EPS15: variants seen among roughly 807,000 people sequenced by gnomAD.
EPS15 encodes the protein epidermal growth factor receptor substrate 15.
EPS15 carries 72 observed loss-of-function variants against 113.8 expected under a neutral mutation model. The observed-to-expected ratio is 0.63, with a 90% confidence interval of 0.52 to 0.77. EPS15 has a LOEUF of 0.77. Among genes scored for constraint, EPS15 ranks in the 30% least tolerant of loss-of-function variants. The probability of loss-of-function intolerance (pLI) is 0.00; values close to 1 mark genes in which losing one functional copy is unlikely to be tolerated. For synonymous variants in EPS15, 344 were observed against 363.4 expected, an observed-to-expected ratio of 0.95 and a Z score of 0.61; for missense variants, 1,048 against 1,045.8, an observed-to-expected ratio of 1.00 and a Z score of -0.03.
At chr1:51,391,094 G>A (rs1471407471) in intron 21 of EPS15, among the ~76,000 whole-genome samples, 1 of 152,296 alleles carries the variant, frequency 6.6e-6, no homozygotes, top group Non-Finnish European at 1.5e-5. Context: ...ACTGGATTAA[G>A]AAAATGTGGC....
chr1:51,366,412 C>G (rs1243913533), intron 21 of EPS15, among the ~76,000 whole-genome samples: 1 of 152,150 alleles, frequency 6.6e-6, no homozygotes, highest in Non-Finnish European at 1.5e-5. Context: ...CACATTCAGA[C>G]AGTTGAAAAC....
At chr1:51,384,503 T>C (rs925642694) in intron 21 of EPS15, among the ~76,000 whole-genome samples, 2 of 151,988 alleles carry the variant, frequency 1.3e-5, no homozygotes, top group African/African-American at 4.8e-5. Flanking sequence ...AGTCTCACTA[T>C]GTTGCCCAGG....
intron 2 of EPS15, among the ~76,000 whole-genome samples, chr1:51,479,062 G>A (rs188493013): frequency 6.6e-6 from 1 of 152,272 alleles, no homozygotes; most frequent in East Asian, 1.9e-4. Context: ...TTTCCAACTT[G>A]GTTCCGTTCT....
At chr1:51,486,906 G>A (rs1476386845) in intron 1 of EPS15, among the ~76,000 whole-genome samples, 1 of 152,066 alleles carries the variant, frequency 6.6e-6, no homozygotes, top group East Asian at 1.9e-4. Flanking sequence ...CTGACCTCAG[G>A]TGATCCATCT....
intron 1 of EPS15, among the ~76,000 whole-genome samples, chr1:51,513,363 A>C (rs1476179481): frequency 6.6e-6 from 1 of 152,228 alleles, no homozygotes; most frequent in African/African-American, 2.4e-5. Context: ...GAAAACAATA[A>C]GGGAGATCTA....
intron 8 of EPS15, chr1:51,459,081 G>C (rs1654237998): frequency 6.6e-6 from 1 of 152,186 alleles, no homozygotes; most frequent in South Asian, 2.1e-4. Context: ...TTCTCTTTCT[G>C]CATTTTTAAA....
intron 24 of EPS15, among the ~76,000 whole-genome samples, chr1:51,357,771 G>T (rs184829183): frequency 6.4e-5 from 9 of 139,676 alleles, no homozygotes; most frequent in Non-Finnish European, 1.1e-4. Context: ...CAGAGTTTTC[G>T]CTCTTGTTGC....
intron 1 of EPS15, among the ~76,000 whole-genome samples, chr1:51,490,911 T>C (rs890599031): frequency 1.3e-5 from 2 of 152,250 alleles, no homozygotes; most frequent in African/African-American, 4.8e-5. Flanking sequence ...TTTCCTGTTT[T>C]TGCTATTGCT....
intron 12 of EPS15, among the ~76,000 whole-genome samples, chr1:51,431,808 A>T (rs1651760331): frequency 6.6e-6 from 1 of 152,162 alleles, no homozygotes; most frequent in Non-Finnish European, 1.5e-5. Context: ...GCAGGACAAA[A>T]TGAGATTAAA....
In EPS15 at chr1:51,496,419, G is replaced by A. The variant is rs185189167; in HGVS notation, c.34-15105C>T. On this transcript the variant is annotated intron_variant, in intron 1 of 24. Coordinates refer to ENST00000371733, the MANE Select transcript of EPS15 (RefSeq NM_001981.3). ...GTATACCATATTCCCCCAATTCTAAGAAACCTTTAGTTGTAAGTGCCACCT... is the reference window on the plus strand; with the variant it reads ...GTATACCATATTCCCCCAATTCTAAAAAACCTTTAGTTGTAAGTGCCACCT... Among the ~76,000 whole-genome samples, 745 of 152,236 alleles carry A rather than the reference G, an allele frequency of 4.9e-3. 3 individuals are homozygous for A. Among genetic ancestry groups the A allele is most frequent in the Non-Finnish European group, 7.2e-3 (490 of 67,988 alleles).
At chr1:51,489,880 G>A (rs962680008) in intron 1 of EPS15, among the ~76,000 whole-genome samples, 14 of 152,236 alleles carry the variant, frequency 9.2e-5, no homozygotes, top group African/African-American at 2.4e-4. Context: ...CCTCCAGCCC[G>A]GATCCTCAAA....
chr1:51,478,928 T>A (rs531132103), intron 2 of EPS15, among the ~76,000 whole-genome samples: 1 of 152,168 alleles, frequency 6.6e-6, no homozygotes, highest in African/African-American at 2.4e-5. Flanking sequence ...CTGACAATTA[T>A]GTGGTCTTGG....
chr1:51,513,202 A>G (rs1335390956), intron 1 of EPS15, among the ~76,000 whole-genome samples: 2 of 152,190 alleles, frequency 1.3e-5, no homozygotes, highest in East Asian at 1.9e-4. Flanking sequence ...AAATTAATCC[A>G]TATGCTCACA....
chr1:51,482,964 A>G (rs2148525121), intron 1 of EPS15, among the ~76,000 whole-genome samples: 1 of 152,298 alleles, frequency 6.6e-6, no homozygotes, highest in Middle Eastern at 3.4e-3. Context: ...CCACAGTTTC[A>G]CTTTCCACAG....
At chr1:51,426,334 A>G (rs1263529803) in intron 12 of EPS15, among the ~76,000 whole-genome samples, 1 of 149,412 alleles carries the variant, frequency 6.7e-6, no homozygotes, top group East Asian at 2.0e-4. Context: ...CCACCACACA[A>G]TCACAGAGAT....
At chr1:51,449,504 G>C (rs1455558789) in intron 8 of EPS15, among the ~76,000 whole-genome samples, 1 of 149,162 alleles carries the variant, frequency 6.7e-6, no homozygotes, top group East Asian at 1.9e-4. Flanking sequence ...AAAATAATCT[G>C]CACACCAAAC....
At chr1:51,502,927 A>G (rs1331139096) in intron 1 of EPS15, among the ~76,000 whole-genome samples, 1 of 151,156 alleles carries the variant, frequency 6.6e-6, no homozygotes, top group Non-Finnish European at 1.5e-5. Context: ...AATCACTTGA[A>G]TCTGGGAGGT....
chr1:51,507,715 C>T (rs951063111), intron 1 of EPS15, among the ~76,000 whole-genome samples: 18 of 151,196 alleles, frequency 1.2e-4, no homozygotes, highest in East Asian at 9.7e-4. Flanking sequence ...TATATACACA[C>T]ATATATATGT....
chr1:51,423,121 A>T, intron 12 of EPS15: 1 of 1,020,702 alleles, frequency 9.8e-7, no homozygotes, highest in Non-Finnish European at 1.3e-6. Flanking sequence ...CAATGTTCTT[A>T]AGATGTCTAT....
Sources: allele counts gnomAD v4.1 joint callset (sites outside exome capture counted in the v4.1 genomes callset), GRCh38; gene constraint gnomAD v4.1.1; transcripts MANE v1.5; gene names NCBI Gene and HGNC (gene_info 2026-07-23, HGNC 2026-07-21).